Variants in RALYL observed in about 807,000 individuals in gnomAD.
The protein encoded by RALYL is RALY RNA binding protein like, also known as RNA-binding Raly-like protein.
In RALYL, 29 loss-of-function variants were observed where a neutral mutation model predicts 35.1. The observed-to-expected ratio is 0.83, with a 90% CI of 0.61 to 1.13. The LOEUF (loss-of-function observed/expected upper bound fraction) is 1.13, where lower values mean the gene tolerates loss of function less well. Ranked by LOEUF, RALYL falls within the 50% of genes most tolerant of loss-of-function variation. RALYL has a pLI of 0.00. For synonymous variants in RALYL, 120 were observed against 127.6 expected (o/e 0.94, Z 0.40); for missense variants, 359 against 360.4 (o/e 1.00, Z 0.03).
chr8:84,699,017 GAT>G (rs1839704378), intron 2 of RALYL, among the ~76,000 whole-genome samples: 1 of 150,760 alleles, frequency 6.6e-6, no homozygotes, highest in African/African-American at 2.4e-5. Flanking sequence ...TAGATAGATA[GAT>G]AGATAGATAG....
chr8:84,365,308 G>A lies in RALYL; in HGVS notation c.-23-163991G>A, dbSNP rs561669571. Among the ~76,000 whole-genome samples, 34 of 152,174 alleles carry A rather than the reference G, an allele frequency of 2.2e-4. 1 individual carries two copies. In the South Asian group the frequency reaches 6.8e-3, roughly 31 times the overall value. On this transcript the variant is annotated intron_variant, in intron 1 of 8. Transcript: ENST00000521268. ...AATATTTCACTCATATATTCACCCA[G>A]TATCTTTCTCATTTCCAGCTAAACA...
chr8:84,388,234 G>C (rs1258309339), intron 1 of RALYL, among the ~76,000 whole-genome samples: 1 of 152,072 alleles, frequency 6.6e-6, no homozygotes, highest in Non-Finnish European at 1.5e-5. Flanking sequence ...TCTTAATCCA[G>C]TCTATCATTG....
chr8:84,547,389 T>G (rs971224580), intron 2 of RALYL, among the ~76,000 whole-genome samples: 3 of 152,140 alleles, frequency 2.0e-5, no homozygotes, highest in Admixed American at 1.3e-4. Flanking sequence ...TTTTTTAATT[T>G]TTTTTTGAGA....
At chr8:84,657,975 A>G (rs150560277) in intron 2 of RALYL, among the ~76,000 whole-genome samples, 1 of 152,278 alleles carries the variant, frequency 6.6e-6, no homozygotes, top group Admixed American at 6.5e-5. Flanking sequence ...TGTCTTGGTC[A>G]AGGGGATCTC....
chr8:84,452,118 A>G (rs2049544979), intron 1 of RALYL, among the ~76,000 whole-genome samples: 1 of 151,892 alleles, frequency 6.6e-6, no homozygotes, highest in Admixed American at 6.6e-5. Flanking sequence ...TTTCTTCCAT[A>G]CATGCTTTTT....
chr8:84,529,262 T>G, intron 1 of RALYL, 37 bp from the exon 2 acceptor site: 2 of 1,543,190 alleles, frequency 1.3e-6, no homozygotes, highest in Non-Finnish European at 1.8e-6. Flanking sequence ...ATTTACCTTT[T>G]GATTATTTGT....
intron 2 of RALYL, among the ~76,000 whole-genome samples, chr8:84,640,703 G>T (rs1826127710): frequency 6.6e-6 from 1 of 151,918 alleles, no homozygotes; most frequent in South Asian, 2.1e-4. Flanking sequence ...GAAGGAAAGA[G>T]TCACCTCAAG....
At position 84,529,348 on chromosome 8, in the gene RALYL, C is replaced by T. The variant is rs2059120081; in HGVS notation, c.27C>T (p.Asn9=). 4 of 1,586,992 alleles carry T rather than the reference C, an allele frequency of 2.5e-6. No individual in the cohort carries two copies. Among genetic ancestry groups the T allele is most frequent in the East Asian group, 2.3e-5 (1 of 44,300 alleles). MTGKTQTS[N]VTNKNDPKSI... Reference sequence around the variant, plus strand: ...TGACTGGCAAAACACAGACCAGCAACGTCACCAATAAGAATGACCCCAAGT... The same window carrying T: ...TGACTGGCAAAACACAGACCAGCAATGTCACCAATAAGAATGACCCCAAGT... The change falls in exon 2 of 9, where the codon AAC becomes AAT. Residue 9 remains asparagine (N), a synonymous_variant. Coordinates refer to ENST00000521268, the MANE Select transcript of RALYL (RefSeq NM_173848.7).
intron 1 of RALYL, among the ~76,000 whole-genome samples, chr8:84,214,975 C>T (rs746852944): frequency 6.6e-5 from 10 of 151,498 alleles, no homozygotes; most frequent in East Asian, 1.9e-4. Flanking sequence ...GCATGATCTC[C>T]GCTCACTGCA....
intron 1 of RALYL, among the ~76,000 whole-genome samples, chr8:84,389,922 A>T (rs909565505): frequency 6.6e-5 from 10 of 151,482 alleles, no homozygotes; most frequent in African/African-American, 2.4e-4. Flanking sequence ...GTCTTGTGCC[A>T]GTTTTCAAAG....
At chr8:84,601,717 TAGG>T (rs1199146489) in intron 2 of RALYL, among the ~76,000 whole-genome samples, 2 of 152,068 alleles carry the variant, frequency 1.3e-5, no homozygotes, top group Non-Finnish European at 2.9e-5. Flanking sequence ...TGTTTATTGT[TAGG>T]AGAAAAAAAA....
chr8:84,862,200 A>T, intron 5 of RALYL, 96 bp from the exon 6 acceptor site: 1 of 1,066,738 alleles, frequency 9.4e-7, no homozygotes, highest in East Asian at 3.1e-5. Flanking sequence ...ACATTTATTG[A>T]AATTTTCTAC....
At chr8:84,268,604 C>T (rs769679718) in intron 1 of RALYL, among the ~76,000 whole-genome samples, 20 of 152,056 alleles carry the variant, frequency 1.3e-4, no homozygotes, top group Non-Finnish European at 2.6e-4. Context: ...AGTTAAGATA[C>T]GCGGAACTAC....
At chr8:84,736,381 A>G (rs1472184927) in intron 2 of RALYL, among the ~76,000 whole-genome samples, 1 of 152,126 alleles carries the variant, frequency 6.6e-6, no homozygotes, top group African/African-American at 2.4e-5. Context: ...ATGACTGGAA[A>G]CAAGTAAAGG....
chr8:84,370,039 C>A (rs931131998), intron 1 of RALYL, among the ~76,000 whole-genome samples: 2 of 152,000 alleles, frequency 1.3e-5, no homozygotes, highest in Non-Finnish European at 2.9e-5. Context: ...ATGTTATTAA[C>A]AACAATGGGA....
At chr8:84,696,401 C>A (rs571524209) in intron 2 of RALYL, among the ~76,000 whole-genome samples, 1 of 151,918 alleles carries the variant, frequency 6.6e-6, no homozygotes, top group East Asian at 1.9e-4. Flanking sequence ...AAGCTGAAAT[C>A]TTGGTTCCTT....
intron 1 of RALYL, among the ~76,000 whole-genome samples, chr8:84,431,467 G>T (rs1213679258): frequency 6.6e-6 from 1 of 151,980 alleles, no homozygotes; most frequent in Non-Finnish European, 1.5e-5. Context: ...TGTTAGGATG[G>T]CTATTATCAA....
chr8:84,705,798 A>C, intron 2 of RALYL: 1 of 828,514 alleles, frequency 1.2e-6, no homozygotes, highest in Non-Finnish European at 1.7e-6. Context: ...GGGGAGGTGA[A>C]GGAAATACAA....
intron 2 of RALYL, among the ~76,000 whole-genome samples, chr8:84,723,523 G>T (rs1844385312): frequency 6.6e-6 from 1 of 151,888 alleles, no homozygotes; most frequent in Non-Finnish European, 1.5e-5. Context: ...AAGCAAAAAA[G>T]ACTTCAGAGT....
Sources: gnomAD v4.1 joint callset for allele counts (sites outside exome capture counted in the v4.1 genomes callset) on GRCh38, gnomAD v4.1.1 for gene constraint, MANE v1.5 for transcripts, NCBI Gene and HGNC (gene_info 2026-07-23, HGNC 2026-07-21) for gene names.